Variants in RNF213 observed in about 807,000 individuals in gnomAD.
RNF213 encodes the protein E3 ubiquitin-protein ligase RNF213.
RNF213 carries 341 observed loss-of-function variants against 514.4 expected under a neutral mutation model. The ratio of observed to expected loss-of-function variants is 0.66; its 90% CI spans 0.61 to 0.73. The LOEUF (loss-of-function observed/expected upper bound fraction) is 0.73. RNF213 is among the 30% of genes least tolerant of loss of function. The probability of loss-of-function intolerance (pLI) is 0.00; values close to 1 mark genes in which losing one functional copy is unlikely to be tolerated. For synonymous variants in RNF213, 2,655 were observed against 2,658.2 expected (o/e 1.00, Z 0.04); for missense variants, 5,767 against 6,615.6 (o/e 0.87, Z 4.45).
At chr17:80,286,306 T>C (rs1217916477) in intron 3 of RNF213, among the ~76,000 whole-genome samples, 2 of 152,082 alleles carry the variant, frequency 1.3e-5, no homozygotes, top group Non-Finnish European at 2.9e-5. Flanking sequence ...GCGCCTCCTG[T>C]GCTTTGTGTA....
At chr17:80,352,869 G>T (rs2078580176) in intron 32 of RNF213, 71 bp from the exon 33 acceptor site, 1 of 1,607,866 alleles carries the variant, frequency 6.2e-7, no homozygotes, top group African/African-American at 1.3e-5. Flanking sequence ...GGTGTGCAAT[G>T]TCCCTGCTTA....
Position 80,353,579 on chromosome 17 carries a change from GGAGGTGGCA to G in RNF213, c.10505_10513del (p.Val3502_Glu3504del), listed in dbSNP as rs746722534. 3.3e-5 allele frequency: 53 copies of G among 1,613,836 alleles called. No individual in the cohort carries two copies. The highest frequency in any genetic ancestry group is 2.2e-4 in the East Asian group (10 of 44,896). On this transcript the variant is annotated inframe_deletion, in exon 34 of 68. Coordinates refer to ENST00000582970, the MANE Select transcript of RNF213 (RefSeq NM_001256071.3). The surrounding 1 kb of genome is among the most constrained non-coding windows in gnomAD (Gnocchi z 5.0). ...TGGAGACGGAGGCCAGCACATCAGG[GGAGGTGGCA>G]GAGGTGGCAGAGGAGGCCATGGAAA...
chr17:80,384,919 A>G (rs2080172313), intron 59 of RNF213, 120 bp from the exon 60 acceptor site: 1 of 1,054,552 alleles, frequency 9.5e-7, no homozygotes, highest in East Asian at 2.5e-5. Flanking sequence ...CATCACAGGA[A>G]ATGACACTGA....
intron 54 of RNF213, among the ~76,000 whole-genome samples, chr17:80,379,208 T>C (rs113835001): frequency 1.3e-5 from 2 of 152,102 alleles, no homozygotes; most frequent in African/African-American, 2.4e-5. Flanking sequence ...AATTGATATA[T>C]GAAAAAGTCC....
intron 15 of RNF213, 146 bp downstream of exon 15, chr17:80,313,313 C>T (rs1032777325): frequency 4.5e-6 from 5 of 1,117,644 alleles, no homozygotes; most frequent in Non-Finnish European, 6.7e-6. Context: ...AATGGAGTTG[C>T]TCCTGTCTAC....
At chr17:80,284,384 A>G (rs1281740618) in intron 3 of RNF213, among the ~76,000 whole-genome samples, 1 of 151,368 alleles carries the variant, frequency 6.6e-6, no homozygotes, top group African/African-American at 2.4e-5. Context: ...AAAAACAAAA[A>G]CAAAACAAAA....
In RNF213 at chr17:80,306,351, G is replaced by C. The variant is rs756289206; in HGVS notation, c.2310G>C (p.Leu770=). The part of the protein sequence containing the change: ...SWFSLLPLSH[L]VMYMENFIEH... ...TTAGTCTGCTACCTCTGAGTCACCT[G>C]GTTATGTATATGGAAAACTTCATTG... The change falls in exon 12 of 68, where the codon CTG becomes CTC. Residue 770 remains leucine, a synonymous_variant. Transcript: ENST00000582970. 1 of 1,614,126 alleles carries C rather than the reference G, an allele frequency of 6.2e-7. No homozygotes were observed. Among genetic ancestry groups the C allele is most frequent in the South Asian group, 1.1e-5 (1 of 91,084 alleles).
rs1468529578 is a variant in RNF213, at chr17:80,350,335, C to T, written c.10123C>T (p.Leu3375Phe). 6.2e-7 allele frequency: 1 copy of T among 1,611,328 alleles called. No homozygotes were observed. Among genetic ancestry groups the T allele is most frequent in the Non-Finnish European group, 8.5e-7 (1 of 1,177,582 alleles). Residue 3375 changes from leucine (L) to phenylalanine (F), a missense_variant, in exon 31 of 68, where the codon CTC becomes TTC. By Grantham distance (22) the Leu-to-Phe change is conservative. This residue lies in a region of RNF213 where 919 missense variants were observed against 1,121.0 expected (regional missense o/e 0.82). Transcript: ENST00000582970. ...CLTNTAKCKI[L>F]IFQTDFEDGI... ...AACGAATACAGCCAAATGTAAAATC[C>T]TCATTTTTCAGACAGATTTTGAAGA...
chr17:80,338,961 A>G (rs963782463), intron 25 of RNF213, among the ~76,000 whole-genome samples: 16 of 151,116 alleles, frequency 1.1e-4, no homozygotes, highest in Non-Finnish European at 2.1e-4. Context: ...AAAAAATTAA[A>G]AAAAAAAAAA....
chr17:80,297,218 G>A lies in RNF213; in HGVS notation c.2013-1103G>A, dbSNP rs538854802. Among the ~76,000 whole-genome samples, 206 of 151,864 alleles carry A rather than the reference G, an allele frequency of 1.4e-3. 4 individuals are homozygous for A. The South Asian group carries it at 0.018, about 13-fold the overall frequency. ...TGTAATCCCAGCACTTTGGGAGGTC[G>A]AGGCAGGCGGATCACAAGGTCAGGA... On this transcript the variant is annotated intron_variant, in intron 10 of 67. Transcript: ENST00000582970.
chr17:80,290,502 T>C (rs2044680172), intron 6 of RNF213, 68 bp from the exon 7 acceptor site: 9 of 1,580,794 alleles, frequency 5.7e-6, no homozygotes, highest in East Asian at 2.2e-5. Flanking sequence ...TGTGTGCGCG[T>C]GTGTGCATGC....
intron 42 of RNF213, among the ~76,000 whole-genome samples, chr17:80,367,159 G>A (rs1318969480): frequency 2.0e-5 from 3 of 152,150 alleles, no homozygotes; most frequent in African/African-American, 4.8e-5. Flanking sequence ...TTTATACAAC[G>A]TGGTATCATT....
intron 15 of RNF213, among the ~76,000 whole-genome samples, chr17:80,314,293 T>TGGC (rs2045747433): frequency 2.2e-5 from 2 of 92,262 alleles, no homozygotes; most frequent in African/African-American, 1.0e-4. Flanking sequence ...CTGGAGGTGA[T>TGGC]GGTGGTGGAC....
At chr17:80,392,048 G>A (rs1342361494) in intron 67 of RNF213, among the ~76,000 whole-genome samples, 1 of 151,922 alleles carries the variant, frequency 6.6e-6, no homozygotes, top group African/African-American at 2.4e-5. Context: ...GATTACAGGC[G>A]TGAGCCACTG....
Position 80,346,119 on chromosome 17 carries a change from A to G in RNF213, c.7784A>G (p.Gln2595Arg). The change falls in exon 29 of 68, where the codon CAG (glutamine) becomes CGG (arginine). Residue 2595 changes from glutamine (Q) to arginine (R), a missense_variant. Coordinates refer to ENST00000582970, the MANE Select transcript of RNF213 (RefSeq NM_001256071.3). The surrounding 1 kb of genome is among the most constrained non-coding windows in gnomAD (Gnocchi z 8.1). Reference sequence around the variant, plus strand: ...GACGTTGCTGAAAAGCTCTACATCCAGCAGATTGTCCAGAGACTGGTTGAG... The same window carrying G: ...GACGTTGCTGAAAAGCTCTACATCCGGCAGATTGTCCAGAGACTGGTTGAG... ...LSDVAEKLYI[Q>R]QIVQRLVESI... 6.2e-7 allele frequency: 1 copy of G among 1,614,202 alleles called. No homozygotes were observed. Among genetic ancestry groups the G allele is most frequent in the South Asian group, 1.1e-5 (1 of 91,084 alleles).
At chr17:80,391,948 TA>T (rs1005661661) in intron 67 of RNF213, among the ~76,000 whole-genome samples, 11 of 151,550 alleles carry the variant, frequency 7.3e-5, no homozygotes, top group Non-Finnish European at 1.2e-4. Context: ...TTTGTACTTT[TA>T]GTAGAGACGG....
At position 80,383,889 on chromosome 17, in the gene RNF213, CAAAG is replaced by C. The variant is rs770990099; in HGVS notation, c.14289_14292del (p.Arg4764CysfsTer14). The C allele has an allele frequency of 3.7e-6, 6 of 1,614,022 alleles. No individual in the cohort carries two copies. The highest frequency in any genetic ancestry group is 2.2e-5 in the East Asian group (1 of 44,894). On this transcript the variant is annotated frameshift_variant, in exon 59 of 68. Coordinates refer to ENST00000582970, the MANE Select transcript of RNF213 (RefSeq NM_001256071.3). LOFTEE classifies it high-confidence loss of function. Reference sequence around the variant, plus strand: ...AGCACATTGTGGAACAGAAAAATGGCAAAGAAAGAGTGCCCATCCTCTGGCATTT... The same window carrying C: ...AGCACATTGTGGAACAGAAAAATGGCAAAGAGTGCCCATCCTCTGGCATTT...
Position 80,393,799 on chromosome 17 carries a change from G to A in RNF213, c.*301G>A. ...ATAAACCAACATTGTTTACATTCCAGGAGACTTGTAGCTCAGCCACACACG... is the reference window on the plus strand; with the variant it reads ...ATAAACCAACATTGTTTACATTCCAAGAGACTTGTAGCTCAGCCACACACG... On this transcript the variant is annotated 3_prime_UTR_variant, in exon 68 of 68. Transcript: ENST00000582970. 2.6e-6 allele frequency: 1 copy of A among 380,086 alleles called. No individual in the cohort carries two copies. Among genetic ancestry groups the A allele is most frequent in the Non-Finnish European group, 5.0e-6 (1 of 198,960 alleles). 23.5% of individuals were successfully genotyped at this position (380,086 alleles called of 1,614,324 possible). A position where few individuals can be genotyped will look rare whatever the true frequency, so the allele number is the denominator to read the frequency against.
At chr17:80,355,416 G>T (rs1292396312) in intron 36 of RNF213, 2 of 239,046 alleles carry the variant, frequency 8.4e-6, no homozygotes, top group East Asian at 2.0e-4. Flanking sequence ...GGGGCTCACG[G>T]AGGAAGAAGC....
Sources: gnomAD v4.1 joint callset for allele counts (sites outside exome capture counted in the v4.1 genomes callset) on GRCh38, gnomAD v4.1.1 for gene constraint, gnomAD v4.1.1 regional missense constraint, Gnocchi (gnomAD v3.1) non-coding constraint, MANE v1.5 for transcripts, NCBI Gene and HGNC (gene_info 2026-07-23, HGNC 2026-07-21) for gene names.